The following KLF12 variants were observed in gnomAD, a reference collection of about 807,000 sequenced individuals.
The protein encoded by KLF12 is Krueppel-like factor 12.
In KLF12, 9 loss-of-function variants were observed where a neutral mutation model predicts 37.8. The observed-to-expected ratio is 0.24, with a 90% confidence interval of 0.14 to 0.42. The LOEUF (loss-of-function observed/expected upper bound fraction) is 0.42. Ranked by LOEUF, KLF12 falls within the 10% of genes least tolerant of loss-of-function variation. The pLI, the probability that KLF12 is intolerant of heterozygous loss-of-function variation, is 1.00. For synonymous variants in KLF12, 208 were observed against 202.1 expected, an observed-to-expected ratio of 1.03 and a Z score of -0.25; for missense variants, 411 against 516.0, an observed-to-expected ratio of 0.80 and a Z score of 1.97.
intron 5 of KLF12, among the ~76,000 whole-genome samples, chr13:73,792,225 T>C (rs1167668347): frequency 2.0e-5 from 3 of 152,188 alleles, no homozygotes; most frequent in Non-Finnish European, 4.4e-5. Context: ...AAGCTGCTAG[T>C]TCTAGAGGGA....
At chr13:74,122,132 G>C (rs369188990) in intron 1 of KLF12, among the ~76,000 whole-genome samples, 1 of 151,968 alleles carries the variant, frequency 6.6e-6, no homozygotes, top group African/African-American at 2.4e-5. Context: ...GATACTTCTT[G>C]AACAGGCAAG....
At chr13:74,213,985 GT>G in the KLF12 span, among the ~76,000 whole-genome samples, 27 of 151,722 alleles carry the variant, frequency 1.8e-4, no homozygotes, top group Non-Finnish European at 2.1e-4. Context: ...TTTTACATTA[GT>G]TTTGTTGAAT....
the KLF12 span, among the ~76,000 whole-genome samples, chr13:74,159,231 G>C: frequency 1.3e-5 from 2 of 152,064 alleles, no homozygotes; most frequent in African/African-American, 4.8e-5. Flanking sequence ...AACACACAGG[G>C]GACACCCTTC....
At chr13:74,234,073 A>C in the KLF12 span, among the ~76,000 whole-genome samples, 6 of 152,230 alleles carry the variant, frequency 3.9e-5, no homozygotes, top group Non-Finnish European at 8.8e-5. Flanking sequence ...GATGTTGATA[A>C]TAGGAGGATA....
chr13:73,702,653 G>A (rs988412825), intron 7 of KLF12, among the ~76,000 whole-genome samples: 6 of 152,110 alleles, frequency 3.9e-5, no homozygotes, highest in Non-Finnish European at 8.8e-5. Context: ...TTTCTGAAAC[G>A]TGTCCCTGTT....
At chr13:74,243,392 G>A in the KLF12 span, among the ~76,000 whole-genome samples, 1 of 152,100 alleles carries the variant, frequency 6.6e-6, no homozygotes, top group African/African-American at 2.4e-5. Context: ...CTTTGCTATT[G>A]TGAATAGTGC....
intron 1 of KLF12, among the ~76,000 whole-genome samples, chr13:74,045,266 T>C (rs1359215311): frequency 2.0e-5 from 3 of 152,230 alleles, no homozygotes; most frequent in Non-Finnish European, 2.9e-5. Context: ...TTTGACAGTA[T>C]GTACCCTTGA....
At chr13:73,776,410 G>T (rs1880612404) in intron 5 of KLF12, among the ~76,000 whole-genome samples, 1 of 152,204 alleles carries the variant, frequency 6.6e-6, no homozygotes, top group South Asian at 2.1e-4. Flanking sequence ...GCATCTGAGT[G>T]TAAGAGCTGC....
intron 1 of KLF12, among the ~76,000 whole-genome samples, chr13:74,077,486 C>A (rs1874635011): frequency 6.6e-6 from 1 of 151,914 alleles, no homozygotes; most frequent in Non-Finnish European, 1.5e-5. Context: ...AATTAGGGGG[C>A]AGGGGATGAA....
At chr13:74,268,926 A>G in the KLF12 span, among the ~76,000 whole-genome samples, 3 of 152,304 alleles carry the variant, frequency 2.0e-5, no homozygotes, top group Admixed American at 2.0e-4. Context: ...GTCTGGGGTG[A>G]TTAATCCTGA....
chr13:73,805,694 AAGGAAG>A (rs1566380540), intron 5 of KLF12, among the ~76,000 whole-genome samples: 17 of 142,614 alleles, frequency 1.2e-4, no homozygotes, highest in African/African-American at 4.4e-4. Flanking sequence ...GGAAGGAAGG[AAGGAAG>A]GAAGGAAGGA....
intron 4 of KLF12, among the ~76,000 whole-genome samples, chr13:73,825,365 C>A (rs1022964721): frequency 2.0e-5 from 3 of 152,156 alleles, no homozygotes; most frequent in African/African-American, 7.2e-5. Context: ...TCTTGAAGAA[C>A]AAGATCAAAG....
chr13:74,176,640 T>A, the KLF12 span, among the ~76,000 whole-genome samples: 14 of 152,192 alleles, frequency 9.2e-5, no homozygotes, highest in African/African-American at 2.9e-4. Flanking sequence ...ATTTTTTGTC[T>A]GCATTGAGAC....
the KLF12 span, among the ~76,000 whole-genome samples, chr13:74,151,644 C>T: frequency 7.0e-6 from 1 of 143,740 alleles, no homozygotes; most frequent in Admixed American, 7.0e-5. Context: ...TGGAGTGAGA[C>T]CCCATCTCAA....
the KLF12 span, among the ~76,000 whole-genome samples, chr13:74,172,232 G>C: frequency 6.6e-6 from 1 of 151,618 alleles, no homozygotes; most frequent in African/African-American, 2.4e-5. Context: ...ACATTTATCA[G>C]ATATCAACAA....
the KLF12 span, among the ~76,000 whole-genome samples, chr13:74,192,100 T>C: frequency 6.6e-6 from 1 of 152,106 alleles, no homozygotes; most frequent in Admixed American, 6.6e-5. Flanking sequence ...GATGAGCTCT[T>C]TGAGAAATGT....
At chr13:74,305,040 T>C in the KLF12 span, among the ~76,000 whole-genome samples, 3 of 152,088 alleles carry the variant, frequency 2.0e-5, 1 homozygote, top group South Asian at 6.2e-4. Context: ...GTGTAGCTGG[T>C]AATGCATAAT....
At position 73,688,331 on chromosome 13, in the gene KLF12, G is replaced by C. The variant is rs1873617588; in HGVS notation, c.*7159C>G. 1 of 152,344 alleles carries C rather than the reference G, an allele frequency of 6.6e-6. No individual in the cohort carries two copies. The highest frequency in any genetic ancestry group is 2.4e-5 in the African/African-American group (1 of 41,436). The allele number at this position is 152,344 out of a possible 1,614,324, so 9.4% of individuals were successfully genotyped here. On this transcript the variant is annotated 3_prime_UTR_variant, in exon 8 of 8. Coordinates refer to ENST00000377669, the MANE Select transcript of KLF12 (RefSeq NM_007249.5). ...AGACTATTTAAAACATTCCACAACA[G>C]AGCTGTTAAGTGAGAACTCTGAAAA...
At chr13:74,016,295 A>T (rs577083677) in intron 1 of KLF12, among the ~76,000 whole-genome samples, 63 of 152,346 alleles carry the variant, frequency 4.1e-4, no homozygotes, top group Admixed American at 1.0e-3. Flanking sequence ...ATACACAGCC[A>T]TTAGAATGGC....
Sources: allele counts gnomAD v4.1 joint callset (sites outside exome capture counted in the v4.1 genomes callset), GRCh38; gene constraint gnomAD v4.1.1; transcripts MANE v1.5; gene names NCBI Gene and HGNC (gene_info 2026-07-23, HGNC 2026-07-21).